ADAM22: variants seen among roughly 807,000 people sequenced by gnomAD.
ADAM22 encodes the protein disintegrin and metalloproteinase domain-containing protein 22.
Under a neutral mutation model 144.6 loss-of-function variants are expected in ADAM22, and 65 were observed. That is an observed-to-expected ratio of 0.45 (90% confidence interval 0.37 to 0.55). The LOEUF (loss-of-function observed/expected upper bound fraction) is 0.55, where lower values mean the gene tolerates loss of function less well. ADAM22 is among the 20% of genes least tolerant of loss of function. The probability of loss-of-function intolerance (pLI) is 0.00; values close to 1 mark genes in which losing one functional copy is unlikely to be tolerated. For missense variants in ADAM22, 974 were observed against 1,184.9 expected (o/e 0.82, Z 2.61); for synonymous variants, 391 against 412.6 (o/e 0.95, Z 0.63).
chr7:88,120,976 TG>T (rs1585916443), intron 7 of ADAM22, among the ~76,000 whole-genome samples: 1 of 152,184 alleles, frequency 6.6e-6, no homozygotes, highest in Non-Finnish European at 1.5e-5. Flanking sequence ...TTTATTATTT[TG>T]TATGTGGATA....
At chr7:88,077,152 T>G (rs1814778532) in intron 4 of ADAM22, among the ~76,000 whole-genome samples, 1 of 152,218 alleles carries the variant, frequency 6.6e-6, no homozygotes, top group African/African-American at 2.4e-5. Context: ...CATAAAGCCT[T>G]TGTTCAGTTT....
At chr7:88,067,034 A>C (rs1331813044) in intron 3 of ADAM22, among the ~76,000 whole-genome samples, 1 of 152,132 alleles carries the variant, frequency 6.6e-6, no homozygotes, top group Non-Finnish European at 1.5e-5. Context: ...TTAAGTGCCC[A>C]AAATCTCCAT....
rs532792004 is a variant in ADAM22, at chr7:88,068,090, G to T, written c.324-7536G>T. Among the ~76,000 whole-genome samples the T allele has an allele frequency of 2.0e-5, 3 of 152,190 alleles. No homozygotes were observed. The East Asian group carries it at 5.8e-4, about 29-fold the overall frequency. ...CTTTAAAAAAAGCTGAGGAATGGAT[G>T]GTTAATTCTCAGTGATATTTATTCA... On this transcript the variant is annotated intron_variant, in intron 3 of 31. Transcript: ENST00000413139.
chr7:87,949,720 C>T (rs1844577438), intron 2 of ADAM22, among the ~76,000 whole-genome samples: 1 of 151,480 alleles, frequency 6.6e-6, no homozygotes, highest in Non-Finnish European at 1.5e-5. Flanking sequence ...AGCTAAGCCC[C>T]AGATATTTTG....
intron 30 of ADAM22, among the ~76,000 whole-genome samples, chr7:88,192,222 AT>A: frequency 6.6e-6 from 1 of 152,164 alleles, no homozygotes; most frequent in East Asian, 1.9e-4. Context: ...TGCACCATGG[AT>A]TAAGGAGCAG....
chr7:88,106,010 G>A (rs1824275800), intron 4 of ADAM22, among the ~76,000 whole-genome samples: 1 of 152,110 alleles, frequency 6.6e-6, no homozygotes, highest in Non-Finnish European at 1.5e-5. Flanking sequence ...GAAAATGGAG[G>A]CACGGGCAGT....
At chr7:88,133,221 G>A (rs1355252023) in intron 12 of ADAM22, among the ~76,000 whole-genome samples, 2 of 151,866 alleles carry the variant, frequency 1.3e-5, no homozygotes, top group Non-Finnish European at 2.9e-5. Context: ...AAATAGGTTG[G>A]GTGTGGTAGC....
At chr7:87,966,729 T>TTTG (rs1849168847) in intron 2 of ADAM22, among the ~76,000 whole-genome samples, 1 of 127,924 alleles carries the variant, frequency 7.8e-6, no homozygotes, top group African/African-American at 3.0e-5. Context: ...CCGTTTTTTT[T>TTTG]TTTTTTTTTT....
chr7:88,058,309 CT>C (rs1293322950), intron 3 of ADAM22, among the ~76,000 whole-genome samples: 1 of 152,144 alleles, frequency 6.6e-6, no homozygotes, highest in African/African-American at 2.4e-5. Context: ...AACTCTAAAA[CT>C]TTGTTTTAAA....
chr7:88,122,779 G>A (rs1213939857), intron 7 of ADAM22, among the ~76,000 whole-genome samples: 1 of 152,198 alleles, frequency 6.6e-6, no homozygotes, highest in Non-Finnish European at 1.5e-5. Context: ...TGACATTGCA[G>A]TTCTGAAATT....
At chr7:87,980,772 A>G (rs1297920239) in intron 3 of ADAM22, among the ~76,000 whole-genome samples, 1 of 152,186 alleles carries the variant, frequency 6.6e-6, no homozygotes, top group Admixed American at 6.5e-5. Flanking sequence ...TAAAAATGAA[A>G]AGCACAGCCA....
At chr7:88,029,816 A>G (rs936855591) in intron 3 of ADAM22, among the ~76,000 whole-genome samples, 2 of 151,990 alleles carry the variant, frequency 1.3e-5, no homozygotes, top group Admixed American at 1.3e-4. Flanking sequence ...TCTAGCCTAT[A>G]AGATTTCCAT....
intron 3 of ADAM22, among the ~76,000 whole-genome samples, chr7:88,040,678 T>G (rs1255542704): frequency 6.6e-6 from 1 of 152,056 alleles, no homozygotes; most frequent in African/African-American, 2.4e-5. Context: ...ATTTATTATC[T>G]CACACTTTAT....
At chr7:88,002,379 G>A (rs10255783) in intron 3 of ADAM22, among the ~76,000 whole-genome samples, 2,139 of 152,246 alleles carry the variant, frequency 0.014, 45 homozygotes, top group African/African-American at 0.049. Flanking sequence ...ATATGGCATG[G>A]CCCTTGGCTG....
Position 88,151,776 on chromosome 7 carries a change from C to T in ADAM22, c.1681+456C>T, listed in dbSNP as rs1225080320. Among the ~76,000 whole-genome samples, 2 of 152,092 alleles carry T rather than the reference C, an allele frequency of 1.3e-5. 1 individual carries two copies. The highest frequency in any genetic ancestry group is 4.1e-4 in the South Asian group (2 of 4,822). On this transcript the variant is annotated intron_variant, in intron 20 of 31. Coordinates refer to ENST00000413139, the MANE Select transcript of ADAM22 (RefSeq NM_001324418.2). ...CCTCCTTGGATATTTTTCTTAAACT[C>T]TAGTTGGCTTTCCTAGTTACGCACT...
chr7:88,094,965 A>C (rs1021894423), intron 4 of ADAM22, among the ~76,000 whole-genome samples: 3 of 152,228 alleles, frequency 2.0e-5, no homozygotes, highest in Non-Finnish European at 4.4e-5. Flanking sequence ...TAGACAATTT[A>C]CTTATGCCTC....
chr7:88,077,019 G>GT (rs1279526252), intron 4 of ADAM22, among the ~76,000 whole-genome samples: 2 of 152,032 alleles, frequency 1.3e-5, no homozygotes, highest in African/African-American at 2.4e-5. Context: ...TTATTTGAGT[G>GT]TTTTTTGTCA....
rs1297704075 is a variant in ADAM22 at position 88,196,521 on chromosome 7, A to G, written c.*30A>G. 2 of 1,612,606 alleles carry G rather than the reference A, an allele frequency of 1.2e-6. No individual in the cohort carries two copies. Among genetic ancestry groups the G allele is most frequent in the Admixed American group, 3.3e-5 (2 of 60,002 alleles). On this transcript the variant is annotated 3_prime_UTR_variant, in exon 32 of 32. Transcript: ENST00000413139. The stretch of plus-strand genomic sequence containing the variant: ...AACTGTTTACATGTGATACATCGAA[A>G]ACTGTTTACTTCAACTTTTATAGAA...
Position 88,075,635 on chromosome 7 carries a change from G to C in ADAM22, c.333G>C (p.Leu111=). 1 of 1,613,572 alleles carries C rather than the reference G, an allele frequency of 6.2e-7. No individual in the cohort carries two copies. The highest frequency in any genetic ancestry group is 8.5e-7 in the Non-Finnish European group (1 of 1,179,800). ...ILDVVLNHDL[L]SSEYIERHIE... is the part of the protein sequence containing the mutation. ...ATTTTTGTTGTTGCAGTGATTTGCTGTCCTCTGAATACATAGAGAGACACA... is the reference window on the plus strand; with the variant it reads ...ATTTTTGTTGTTGCAGTGATTTGCTCTCCTCTGAATACATAGAGAGACACA... Residue 111 remains leucine, a synonymous_variant, in exon 4 of 32, where the codon CTG becomes CTC. Transcript: ENST00000413139.
Sources: gnomAD v4.1 joint callset for allele counts (sites outside exome capture counted in the v4.1 genomes callset) on GRCh38, gnomAD v4.1.1 for gene constraint, MANE v1.5 for transcripts, NCBI Gene and HGNC (gene_info 2026-07-23, HGNC 2026-07-21) for gene names.